Variants in SLC26A5 observed in about 807,000 individuals in gnomAD.
SLC26A5 encodes prestin.
A neutral mutation model predicts 81.0 loss-of-function variants in SLC26A5; 51 were observed. That is an observed-to-expected ratio of 0.63 (90% CI 0.50 to 0.80). The LOEUF is 0.80. Among genes scored for constraint, SLC26A5 ranks in the 30% least tolerant of loss-of-function variants. SLC26A5 has a pLI of 0.00. For missense variants in SLC26A5, 771 were observed against 905.8 expected (o/e 0.85, Z 1.91); for synonymous variants, 325 against 332.8 (o/e 0.98, Z 0.25).
At chr7:103,403,882 G>A (rs1180313422) in intron 8 of SLC26A5, among the ~76,000 whole-genome samples, 2 of 152,010 alleles carry the variant, frequency 1.3e-5, no homozygotes, top group Non-Finnish European at 2.9e-5. Flanking sequence ...TACATTTAAG[G>A]TTAATATTGT....
chr7:103,421,954 C>T (rs952287115), intron 2 of SLC26A5, among the ~76,000 whole-genome samples: 3 of 152,178 alleles, frequency 2.0e-5, no homozygotes, highest in South Asian at 2.1e-4. Context: ...CTCAATGTTT[C>T]TTAAAGCTAT....
intron 14 of SLC26A5, among the ~76,000 whole-genome samples, chr7:103,381,431 C>T (rs754768022): frequency 7.3e-5 from 11 of 151,028 alleles, no homozygotes; most frequent in Admixed American, 1.3e-4. Flanking sequence ...ACACACCACA[C>T]ATACACAATA....
intron 8 of SLC26A5, among the ~76,000 whole-genome samples, 190 bp downstream of exon 8, chr7:103,407,661 T>A (rs1824160425): frequency 6.6e-6 from 1 of 152,198 alleles, no homozygotes; most frequent in Admixed American, 6.5e-5. Flanking sequence ...TAAAAAATCA[T>A]CTGTGTCTAT....
chr7:103,411,624 C>T (rs768665669), intron 5 of SLC26A5, 38 bp from the exon 6 acceptor site: 1 of 1,612,392 alleles, frequency 6.2e-7, no homozygotes, highest in Non-Finnish European at 8.5e-7. Context: ...GTTCAGGGTT[C>T]AGAGTATCTG....
chr7:103,433,320 C>T (rs1826213343), intron 2 of SLC26A5: 1 of 152,148 alleles, frequency 6.6e-6, no homozygotes, highest in South Asian at 2.1e-4. Flanking sequence ...ATTCTTCTGA[C>T]AGTCTTTATT....
At chr7:103,372,873 G>T (rs1306748049), downstream of SLC26A5, among the ~76,000 whole-genome samples, 1 of 54,614 alleles carries the variant, frequency 1.8e-5, no homozygotes. Context: ...CCAGAAAAGG[G>T]AAATCTAAAA....
chr7:103,443,841 C>A (rs910004939), intron 1 of SLC26A5, among the ~76,000 whole-genome samples: 1 of 152,202 alleles, frequency 6.6e-6, no homozygotes, highest in African/African-American at 2.4e-5. Context: ...TTCGCTGACC[C>A]GTTCTGAAGT....
At chr7:103,371,604 G>A (rs1396877058), downstream of SLC26A5, among the ~76,000 whole-genome samples, 1 of 151,846 alleles carries the variant, frequency 6.6e-6, no homozygotes, top group East Asian at 1.9e-4. Flanking sequence ...GATTACAGGC[G>A]TGAGCCACTG....
chr7:103,403,787 T>G (rs1024583618), intron 8 of SLC26A5, among the ~76,000 whole-genome samples: 1 of 151,572 alleles, frequency 6.6e-6, no homozygotes, highest in Non-Finnish European at 1.5e-5. Context: ...ATGAGATGAG[T>G]CTCCCGAATA....
intron 19 of SLC26A5, chr7:103,355,860 C>T: frequency 2.7e-6 from 3 of 1,108,666 alleles, no homozygotes; most frequent in Middle Eastern, 2.0e-4. Context: ...GTTAGAGTCT[C>T]AGGGATAATG....
At chr7:103,412,646 T>A (rs759335836) in intron 5 of SLC26A5, among the ~76,000 whole-genome samples, 30 of 150,174 alleles carry the variant, frequency 2.0e-4, no homozygotes, top group Non-Finnish European at 4.0e-4. Flanking sequence ...GCCTCCCAGG[T>A]TGAAGCGATT....
intron 3 of SLC26A5, 111 bp downstream of exon 3, chr7:103,421,252 A>C: frequency 8.3e-7 from 1 of 1,204,512 alleles, no homozygotes; most frequent in Non-Finnish European, 1.2e-6. Context: ...ATGATGGCTC[A>C]GCATTCATTT....
chr7:103,397,965 T>C lies in SLC26A5; in HGVS notation c.938A>G (p.Tyr313Cys). ...ISAGFNLKES[Y>C]NVDVVGTLPL... ...AAGTGTTCCAACGACATCCACATTG[T>C]ATGATTCTTTCAAGTTAAACCCAGC... Residue 313 changes from tyrosine to cysteine, a missense_variant, in exon 9 of 20, where the codon TAC becomes TGC. Coordinates refer to ENST00000306312, the MANE Select transcript of SLC26A5 (RefSeq NM_198999.3). 1 of 1,614,080 alleles carries C rather than the reference T, an allele frequency of 6.2e-7. No homozygotes were observed. The highest frequency in any genetic ancestry group is 8.5e-7 in the Non-Finnish European group (1 of 1,179,984).
chr7:103,390,251 G>A (rs1224198328), intron 12 of SLC26A5, among the ~76,000 whole-genome samples, 178 bp downstream of exon 12: 1 of 152,128 alleles, frequency 6.6e-6, no homozygotes, highest in Admixed American at 6.6e-5. Context: ...CCCAGGTCCT[G>A]CAGGCAGCTG....
chr7:103,420,734 T>A lies in SLC26A5; in HGVS notation c.292+4A>T. The stretch of plus-strand genomic sequence containing the variant: ...AGGGGGGAAAGAAAGAAAGATCTAC[T>A]GACCTTGAGGAAGCTGAAGCACCCC... On this transcript the variant is annotated splice_donor_region_variant and intron_variant, in intron 4 of 19. Coordinates refer to ENST00000306312, the MANE Select transcript of SLC26A5 (RefSeq NM_198999.3). The A allele has an allele frequency of 6.2e-7, 1 of 1,614,040 alleles. No individual in the cohort carries two copies. Among genetic ancestry groups the A allele is most frequent in the Non-Finnish European group, 8.5e-7 (1 of 1,179,994 alleles).
chr7:103,374,342 T>A lies in SLC26A5; in HGVS notation c.*57A>T. 1 of 1,605,434 alleles carries A rather than the reference T, an allele frequency of 6.2e-7. No individual in the cohort carries two copies. Among genetic ancestry groups the A allele is most frequent in the South Asian group, 1.1e-5 (1 of 89,744 alleles). ...AATCTAGCGTCTAGTATTTAAAACG[T>A]GTAAATTATGAACTTCATGAGAGGC... On this transcript the variant is annotated 3_prime_UTR_variant, in exon 20 of 20. Coordinates refer to ENST00000306312, the MANE Select transcript of SLC26A5 (RefSeq NM_198999.3).
Position 103,368,770 on chromosome 7 carries a change from G to A in SLC26A5, c.2041+8038C>T, listed in dbSNP as rs923657163. On this transcript the variant is annotated intron_variant, in intron 19 of 19. Coordinates refer to the SLC26A5 transcript ENST00000339444. Reference sequence around the variant, plus strand: ...AGTAAAAAAAGAAAAAAAAATATTTGTACATATGATCTAATTTAGAAAGTC... The same window carrying A: ...AGTAAAAAAAGAAAAAAAAATATTTATACATATGATCTAATTTAGAAAGTC... 6.6e-5 allele frequency: 10 copies of A among 152,138 alleles called. No homozygotes were observed. In the East Asian group the frequency reaches 1.9e-3, roughly 29 times the overall value. The allele number at this position is 152,138 out of a possible 1,614,324, so 9.4% of individuals were successfully genotyped here.
At chr7:103,410,706 C>T (rs1824417199) in intron 6 of SLC26A5, among the ~76,000 whole-genome samples, 157 bp from the exon 7 acceptor site, 1 of 152,066 alleles carries the variant, frequency 6.6e-6, no homozygotes, top group Non-Finnish European at 1.5e-5. Context: ...TCTCAGCTCA[C>T]TGCAACCTCT....
intron 2 of SLC26A5, among the ~76,000 whole-genome samples, chr7:103,432,228 T>C (rs1826132029): frequency 6.6e-6 from 1 of 152,238 alleles, no homozygotes; most frequent in South Asian, 2.1e-4. Context: ...AATATTAACA[T>C]TTAAGTCTCC....
Sources: gnomAD v4.1 joint callset for allele counts (sites outside exome capture counted in the v4.1 genomes callset) on GRCh38, gnomAD v4.1.1 for gene constraint, MANE v1.5 for transcripts, NCBI Gene and HGNC (gene_info 2026-07-23, HGNC 2026-07-21) for gene names.